Variants in GRIK3 observed in about 807,000 individuals in gnomAD.
GRIK3 encodes glutamate ionotropic receptor kainate type subunit 3.
GRIK3 carries 29 observed loss-of-function variants against 102.5 expected under a neutral mutation model. That is an observed-to-expected ratio of 0.28 (90% CI 0.21 to 0.39). GRIK3 has a LOEUF of 0.39. Ranked by LOEUF, GRIK3 falls within the 10% of genes least tolerant of loss-of-function variation. The probability of loss-of-function intolerance (pLI) is 1.00; values close to 1 mark genes in which losing one functional copy is unlikely to be tolerated. For missense variants in GRIK3, 908 were observed against 1,252.4 expected (o/e 0.73, Z 4.15); for synonymous variants, 511 against 504.9 (o/e 1.01, Z -0.16).
chr1:36,952,878 G>A (rs1641861809), intron 1 of GRIK3, among the ~76,000 whole-genome samples: 1 of 152,180 alleles, frequency 6.6e-6, no homozygotes, highest in Admixed American at 6.5e-5. Flanking sequence ...CTGGAGGAGA[G>A]GGAACGAGCT....
In GRIK3 at chr1:36,797,122, A is replaced by G. The variant is rs1642373656; in HGVS notation, c.*4729T>C. On this transcript the variant is annotated 3_prime_UTR_variant, in exon 16 of 16. Coordinates refer to ENST00000373091, the MANE Select transcript of GRIK3 (RefSeq NM_000831.4). ...CTCTGATGTGTGGAGGGCCTTCGCC[A>G]CCCCAAGGGGCTCTCTGAGACCTCC... 1 of 151,324 alleles carries G rather than the reference A, an allele frequency of 6.6e-6. No individual in the cohort carries two copies. Among genetic ancestry groups the G allele is most frequent in the Non-Finnish European group, 1.5e-5 (1 of 67,900 alleles). 9.4% of individuals were successfully genotyped at this position (151,324 alleles called of 1,614,324 possible). A position where few individuals can be genotyped will look rare whatever the true frequency, so the allele number is the denominator to read the frequency against.
intron 1 of GRIK3, among the ~76,000 whole-genome samples, chr1:36,973,747 G>A (rs1219647110): frequency 1.3e-5 from 2 of 151,814 alleles, no homozygotes; most frequent in African/African-American, 2.4e-5. Flanking sequence ...ACTTCTTTAG[G>A]GAAAAACTCT....
At chr1:36,972,749 A>G (rs1642157090) in intron 1 of GRIK3, among the ~76,000 whole-genome samples, 1 of 152,210 alleles carries the variant, frequency 6.6e-6, no homozygotes, top group Non-Finnish European at 1.5e-5. Flanking sequence ...ACAGACTAGA[A>G]AACTGAGGCT....
At chr1:36,873,755 G>A (rs2124255622) in intron 3 of GRIK3, among the ~76,000 whole-genome samples, 1 of 152,202 alleles carries the variant, frequency 6.6e-6, no homozygotes, top group South Asian at 2.1e-4. Flanking sequence ...AAAGCACATG[G>A]CCCCAGCCTG....
intron 1 of GRIK3, among the ~76,000 whole-genome samples, chr1:36,946,820 C>A (rs1641789849): frequency 6.6e-6 from 1 of 152,124 alleles, no homozygotes. Flanking sequence ...ACACAAAAAC[C>A]AGGGCATCCA....
At chr1:36,877,245 G>C (rs941051875) in intron 3 of GRIK3, among the ~76,000 whole-genome samples, 1 of 152,176 alleles carries the variant, frequency 6.6e-6, no homozygotes. Context: ...GACTATGTCA[G>C]TGTCTGCTCT....
intron 1 of GRIK3, among the ~76,000 whole-genome samples, chr1:37,002,674 T>C (rs524124): frequency 0.073 from 10,868 of 149,280 alleles, 536 homozygotes; most frequent in South Asian, 0.2. Context: ...TTCTTTCTTT[T>C]TTTTTTTTTT....
In GRIK3 at chr1:36,934,669, C is replaced by T. The variant is rs148246867; in HGVS notation, c.116-43573G>A. ...AGCAGAGAGATCTCTCCCAGTGCCA[C>T]GTTGCTGGGGCCTCGCTTATCCCTG... On this transcript the variant is annotated intron_variant, in intron 1 of 15. Transcript: ENST00000373091. 8.4e-3 allele frequency among the ~76,000 whole-genome samples: 1,274 copies of T among 152,296 alleles called. 23 individuals are homozygous for T. Among genetic ancestry groups the T allele is most frequent in the African/African-American group, 0.029 (1,206 of 41,544 alleles).
At chr1:36,995,432 G>C (rs1243004804) in intron 1 of GRIK3, among the ~76,000 whole-genome samples, 7 of 152,152 alleles carry the variant, frequency 4.6e-5, no homozygotes, top group Admixed American at 4.6e-4. Context: ...GCCTCCATGT[G>C]AAAAGTACTA....
chr1:37,034,128 T>A lies in GRIK3; in HGVS notation c.-20A>T. ...GGTCATCGTTGGGCGCCGCCGAGCG[T>A]GCCCGGGGCGCGGCCGTGGCGGGCT... On this transcript the variant is annotated 5_prime_UTR_variant, in exon 1 of 16. Coordinates refer to ENST00000373091, the MANE Select transcript of GRIK3 (RefSeq NM_000831.4). The A allele has an allele frequency of 7.2e-7, 1 of 1,385,820 alleles. No individual in the cohort carries two copies. The highest frequency in any genetic ancestry group is 9.9e-7 in the Non-Finnish European group (1 of 1,007,946). 85.8% of individuals were successfully genotyped at this position (1,385,820 alleles called of 1,614,324 possible).
rs1218452024 is a variant in GRIK3 at position 36,872,360 on chromosome 1, C to T, written c.560G>A (p.Arg187Gln). 1.9e-6 allele frequency: 3 copies of T among 1,597,678 alleles called. No homozygotes were observed. Among genetic ancestry groups the T allele is most frequent in the Non-Finnish European group, 2.6e-6 (3 of 1,170,142 alleles). The change falls in exon 4 of 16, where the codon CGA (arginine) becomes CAA (glutamine). Residue 187 changes from arginine to glutamine, a missense_variant. By Grantham distance (43) the Arg-to-Gln change is conservative. Around this residue, in one of 3 missense-constraint regions of GRIK3, gnomAD observed 585 missense variants for 824.9 expected, o/e 0.71. Transcript: ENST00000373091. This position sits in a 1 kb window ranked among gnomAD's most constrained non-coding sequence, Gnocchi z 5.9. ...TGGGGCCATGATGAGCTCCTGCAGTCGGATGAGCCCTGAGGGGCCATGGAG... is the reference window on the plus strand; with the variant it reads ...TGGGGCCATGATGAGCTCCTGCAGTTGGATGAGCCCTGAGGGGCCATGGAG... ...VVYDDSTGLIRLQELIMAPSR... is the reference protein window; with the variant it reads ...VVYDDSTGLIQLQELIMAPSR...
chr1:36,846,929 C>A (rs1278131382), intron 9 of GRIK3, among the ~76,000 whole-genome samples: 1 of 152,244 alleles, frequency 6.6e-6, no homozygotes, highest in South Asian at 2.1e-4. Context: ...GTGTCACATC[C>A]TCTATCCCCA....
intron 1 of GRIK3, among the ~76,000 whole-genome samples, chr1:36,932,313 C>T (rs1293685854): frequency 2.0e-5 from 3 of 152,082 alleles, no homozygotes; most frequent in African/African-American, 4.8e-5. Flanking sequence ...TGGTTAGTGC[C>T]CAATCGTAGA....
At chr1:36,882,909 G>A (rs370607713) in intron 2 of GRIK3, among the ~76,000 whole-genome samples, 7 of 152,310 alleles carry the variant, frequency 4.6e-5, no homozygotes, top group African/African-American at 1.4e-4. Flanking sequence ...TTAGTTTTCC[G>A]CCAGTTGCAA....
chr1:37,014,402 T>C (rs1295570717), intron 1 of GRIK3, among the ~76,000 whole-genome samples: 1 of 152,250 alleles, frequency 6.6e-6, no homozygotes, highest in Non-Finnish European at 1.5e-5. Flanking sequence ...CCAGGCAAGC[T>C]GAACCGCAGA....
At chr1:36,951,251 C>A (rs184751839) in intron 1 of GRIK3, among the ~76,000 whole-genome samples, 9 of 152,294 alleles carry the variant, frequency 5.9e-5, no homozygotes, top group African/African-American at 2.2e-4. Context: ...TCTGGCAGCA[C>A]CCTCTGAAGG....
chr1:37,008,285 T>A (rs1168671146), intron 1 of GRIK3, among the ~76,000 whole-genome samples: 1 of 152,206 alleles, frequency 6.6e-6, no homozygotes, highest in Non-Finnish European at 1.5e-5. Flanking sequence ...AGTTTCTTCA[T>A]CTGCTGAGCC....
rs980264195 is a variant in GRIK3 at position 36,872,645 on chromosome 1, G to T, written c.551-276C>A. On this transcript the variant is annotated intron_variant, in intron 3 of 15. Transcript: ENST00000373091. This position sits in a 1 kb window ranked among gnomAD's most constrained non-coding sequence, Gnocchi z 5.9. ...AACACGTGTGTATATGTAGATTAAG[G>T]CCTGTGCACACAGTGGTGCAGTACA... is the stretch of plus-strand genomic sequence containing the variant. 5.3e-5 allele frequency among the ~76,000 whole-genome samples: 8 copies of T among 152,196 alleles called. No individual in the cohort carries two copies. The highest frequency in any genetic ancestry group is 1.9e-4 in the African/African-American group (8 of 41,440).
intron 1 of GRIK3, among the ~76,000 whole-genome samples, chr1:36,924,113 C>A (rs916857166): frequency 6.6e-6 from 1 of 152,212 alleles, no homozygotes; most frequent in East Asian, 1.9e-4. Flanking sequence ...AGGGAGGGCA[C>A]TGCCAGGGCA....
Sources: gnomAD v4.1 joint callset for allele counts (sites outside exome capture counted in the v4.1 genomes callset) on GRCh38, gnomAD v4.1.1 for gene constraint, gnomAD v4.1.1 regional missense constraint, Gnocchi (gnomAD v3.1) non-coding constraint, MANE v1.5 for transcripts, NCBI Gene and HGNC (gene_info 2026-07-23, HGNC 2026-07-21) for gene names.